Variants in GIT2 observed in about 807,000 individuals in gnomAD.
GIT2 encodes GIT ArfGAP 2, also known as ARF GTPase-activating protein GIT2.
In GIT2, 32 loss-of-function variants were observed where a neutral mutation model predicts 100.3. The ratio of observed to expected loss-of-function variants is 0.32; its 90% CI spans 0.24 to 0.43. The LOEUF (loss-of-function observed/expected upper bound fraction) is 0.43. Among genes scored for constraint, GIT2 ranks in the 20% least tolerant of loss-of-function variants. The pLI, the probability that GIT2 is intolerant of heterozygous loss-of-function variation, is 1.00. For synonymous variants in GIT2, 353 were observed against 364.1 expected (o/e 0.97, Z 0.35); for missense variants, 737 against 975.1 (o/e 0.76, Z 3.25).
intron 9 of GIT2, among the ~76,000 whole-genome samples, chr12:109,965,241 A>C (rs893093814): frequency 6.6e-6 from 1 of 152,120 alleles, no homozygotes; most frequent in Non-Finnish European, 1.5e-5. Flanking sequence ...GAACTAGGGA[A>C]CTCTCCTGAG....
chr12:109,990,665 A>G (rs1191029927), intron 2 of GIT2, among the ~76,000 whole-genome samples: 1 of 152,252 alleles, frequency 6.6e-6, no homozygotes, highest in South Asian at 2.1e-4. Context: ...AGACAAATGA[A>G]GGCAAAACAC....
At chr12:109,945,674 A>G (rs987459785) in intron 15 of GIT2, among the ~76,000 whole-genome samples, 19 of 152,272 alleles carry the variant, frequency 1.2e-4, no homozygotes, top group Non-Finnish European at 2.6e-4. Flanking sequence ...ATGAGAAACT[A>G]TAAAAATGAT....
At chr12:109,976,574 G>A (rs926743561) in intron 7 of GIT2, among the ~76,000 whole-genome samples, 2 of 149,832 alleles carry the variant, frequency 1.3e-5, no homozygotes, top group East Asian at 2.0e-4. Flanking sequence ...GTGAGCCACC[G>A]CGCCTGGCGT....
Position 109,983,438 on chromosome 12 carries a change from C to T in GIT2, c.558G>A (p.Leu186=). 2 of 1,613,360 alleles carry T rather than the reference C, an allele frequency of 1.2e-6. No homozygotes were observed. Among genetic ancestry groups the T allele is most frequent in the Non-Finnish European group, 8.5e-7 (1 of 1,179,328 alleles). The change falls in exon 6 of 20, where the codon TTG becomes TTA. Residue 186 remains leucine, a synonymous_variant. Coordinates refer to ENST00000355312, the MANE Select transcript of GIT2 (RefSeq NM_057169.5). ...TGCCTGGGTCTGCTCCATATACTGC[C>T]AATAATTCAGCCTGTAAAATCTGCC... ...KAGQILQAEL[L]AVYGADPGTQ...
At chr12:109,999,430 A>C (rs1368132214), upstream of GIT2, 4 of 208,400 alleles carry the variant, frequency 1.9e-5, no homozygotes, top group East Asian at 4.6e-4. The surrounding 1 kb of genome is among the most constrained non-coding windows in gnomAD (Gnocchi z 4.3). Context: ...TTAGGTCCGC[A>C]GAAGTCTGTC....
Position 109,981,013 on chromosome 12 carries a change from G to A in GIT2, c.657C>T (p.Leu219=), listed in dbSNP as rs748175635. ...CCGTTAGCTCATACTGTATTTCCAC[G>A]AGGCGCTCTGCCAGCTCATGGTGCC... ...QGGHHELAER[L]VEIQYELTDR... Residue 219 remains leucine (L), a synonymous_variant, in exon 7 of 20, where the codon CTC becomes CTT. Transcript: ENST00000355312. 35 of 1,612,794 alleles carry A rather than the reference G, an allele frequency of 2.2e-5. No homozygotes were observed. The highest frequency in any genetic ancestry group is 6.7e-5 in the Admixed American group (4 of 59,992).
chr12:109,967,073 G>A (rs538224217), intron 8 of GIT2, among the ~76,000 whole-genome samples: 5 of 152,226 alleles, frequency 3.3e-5, no homozygotes, highest in East Asian at 3.9e-4. Flanking sequence ...TTGCGAAAGC[G>A]GCCATATTAC....
chr12:109,948,663 C>A lies in GIT2; in HGVS notation c.1393-1159G>T. The A allele has an allele frequency of 7.0e-7, 1 of 1,431,890 alleles. No individual in the cohort carries two copies. Among genetic ancestry groups the A allele is most frequent in the South Asian group, 1.6e-5 (1 of 64,392 alleles). 88.7% of individuals were successfully genotyped at this position (1,431,890 alleles called of 1,614,324 possible). A position where few individuals can be genotyped will look rare whatever the true frequency, so the allele number is the denominator to read the frequency against. On this transcript the variant is annotated intron_variant, in intron 14 of 19. Transcript: ENST00000355312. The surrounding 1 kb of genome is among the most constrained non-coding windows in gnomAD (Gnocchi z 4.3). ...AGAGATTGTAAAATCTGACCAAATTCCCCACCAGTGCCAAGGTTTAAGTCC... is the reference window on the plus strand; with the variant it reads ...AGAGATTGTAAAATCTGACCAAATTACCCACCAGTGCCAAGGTTTAAGTCC...
rs1373693000 is a variant in GIT2 at position 109,932,848 on chromosome 12, G to A, written c.*130C>T. On this transcript the variant is annotated 3_prime_UTR_variant, in exon 20 of 20. Transcript: ENST00000355312. The stretch of plus-strand genomic sequence containing the variant: ...AGAAAACATGCAAAAATAATACTGA[G>A]TTTTCTTTTAAAAAGTTTTAAACCG... The A allele has an allele frequency of 1.6e-6, 1 of 637,650 alleles. No individual in the cohort carries two copies. The highest frequency in any genetic ancestry group is 1.8e-5 in the African/African-American group (1 of 54,968). The allele number at this position is 637,650 out of a possible 1,614,324, so 39.5% of individuals were successfully genotyped here.
At chr12:109,943,513 T>G (rs1875360684) in intron 16 of GIT2, among the ~76,000 whole-genome samples, 1 of 152,118 alleles carries the variant, frequency 6.6e-6, no homozygotes. Context: ...TTTTGTATTT[T>G]TAGTAGAGAC....
At position 109,967,522 on chromosome 12, in the gene GIT2, C is replaced by A; in HGVS notation, c.719-19G>T. 6.4e-7 allele frequency: 1 copy of A among 1,556,418 alleles called. No homozygotes were observed. Among genetic ancestry groups the A allele is most frequent in the South Asian group, 1.1e-5 (1 of 89,554 alleles). The stretch of plus-strand genomic sequence containing the variant: ...TTGTGATCTGAAACAGAAACCAAGT[C>A]AAAGTTTTGTTCATAGAAATGTTGA... On this transcript the variant is annotated intron_variant, in intron 7 of 19. Transcript: ENST00000355312.
At chr12:109,972,958 G>A (rs1284361965) in intron 7 of GIT2, among the ~76,000 whole-genome samples, 5 of 151,998 alleles carry the variant, frequency 3.3e-5, no homozygotes, top group African/African-American at 1.2e-4. Flanking sequence ...GAGTAACTGG[G>A]ACTACAGGCA....
chr12:109,941,293 G>A (rs1334058765), intron 16 of GIT2, among the ~76,000 whole-genome samples: 1 of 152,218 alleles, frequency 6.6e-6, no homozygotes, highest in South Asian at 2.1e-4. Flanking sequence ...CTGTAGAATC[G>A]ACAACTTTGA....
intron 7 of GIT2, among the ~76,000 whole-genome samples, chr12:109,978,248 A>G (rs1003039708): frequency 1.3e-5 from 2 of 151,700 alleles, no homozygotes; most frequent in Non-Finnish European, 2.9e-5. Context: ...ATGCCCGGCT[A>G]CTTTTTGTAT....
At position 109,947,105 on chromosome 12, in the gene GIT2, T is replaced by A; in HGVS notation, c.1641+151A>T. On this transcript the variant is annotated intron_variant, in intron 15 of 19. Coordinates refer to ENST00000355312, the MANE Select transcript of GIT2 (RefSeq NM_057169.5). The surrounding 1 kb of genome is among the most constrained non-coding windows in gnomAD (Gnocchi z 4.3). The stretch of plus-strand genomic sequence containing the variant: ...TGTGCTTGTGGGAATATCGCAAGCA[T>A]CTGTGGACATGTTAATACAGCAAAC... The A allele has an allele frequency of 2.9e-6, 2 of 699,454 alleles. No individual in the cohort carries two copies. Among genetic ancestry groups the A allele is most frequent in the Admixed American group, 2.7e-5 (1 of 36,876 alleles). The allele number at this position is 699,454 out of a possible 1,614,324, so 43.3% of individuals were successfully genotyped here. A position where few individuals can be genotyped will look rare whatever the true frequency, so the allele number is the denominator to read the frequency against.
chr12:109,956,067 T>C (rs1879359673), intron 12 of GIT2, among the ~76,000 whole-genome samples: 1 of 152,118 alleles, frequency 6.6e-6, no homozygotes, highest in Non-Finnish European at 1.5e-5. Context: ...TAACTGGGAT[T>C]ACAGGCACGC....
intron 4 of GIT2, among the ~76,000 whole-genome samples, chr12:109,986,622 G>A (rs577631158): frequency 2.0e-4 from 30 of 152,172 alleles, no homozygotes; most frequent in African/African-American, 6.8e-4. Flanking sequence ...AAAATTAGCC[G>A]GGTGTGGTGG....
chr12:109,959,825 G>T, intron 12 of GIT2, 22 bp downstream of exon 12: 11 of 1,415,942 alleles, frequency 7.8e-6, no homozygotes, highest in Non-Finnish European at 1.1e-5. Context: ...AAATGCAAGT[G>T]TTTGGAGGTT....
rs58007337 is a variant in GIT2, at chr12:109,964,620, GACACACACACACAC to G, written c.816+892_816+905del. 2.2e-3 allele frequency among the ~76,000 whole-genome samples: 256 copies of G among 119,058 alleles called. 1 individual carries two copies. In the Middle Eastern group the frequency reaches 0.026, roughly 12 times the overall value. 78.1% of individuals were successfully genotyped at this position (119,058 alleles called of 152,430 possible). A position where few individuals can be genotyped will look rare whatever the true frequency, so the allele number is the denominator to read the frequency against. On this transcript the variant is annotated intron_variant, in intron 9 of 19. Transcript: ENST00000355312. ...TGGCCTCAGAGGGTGTTAATCTAAA[GACACACACACACAC>G]ACACACACACACACACACACACACA...
Sources: allele counts gnomAD v4.1 joint callset (sites outside exome capture counted in the v4.1 genomes callset), GRCh38; gene constraint gnomAD v4.1.1; non-coding constraint Gnocchi (gnomAD v3.1); transcripts MANE v1.5; gene names NCBI Gene and HGNC (gene_info 2026-07-23, HGNC 2026-07-21).